Variants in AGO1 observed in about 807,000 individuals in gnomAD.
The protein encoded by AGO1 is protein argonaute-1.
AGO1 carries 11 observed loss-of-function variants against 109.2 expected under a neutral mutation model. The observed-to-expected ratio is 0.10, with a 90% CI of 0.06 to 0.17. The LOEUF is 0.17. Ranked by LOEUF, AGO1 falls within the 10% of genes least tolerant of loss-of-function variation. The pLI, the probability that AGO1 is intolerant of heterozygous loss-of-function variation, is 1.00. For missense variants in AGO1, 574 were observed against 1,140.3 expected (o/e 0.50, Z 7.15); for synonymous variants, 422 against 418.6 (o/e 1.01, Z -0.10).
At chr1:35,898,206 A>G (rs755641911) in intron 8 of AGO1, among the ~76,000 whole-genome samples, 1 of 151,274 alleles carries the variant, frequency 6.6e-6, no homozygotes, top group Non-Finnish European at 1.5e-5. Context: ...ATAAGTTTTT[A>G]TTTCTCTGGA....
Position 35,923,177 on chromosome 1 carries a change from A to C in AGO1, c.*3570A>C, listed in dbSNP as rs1490584781. 1 of 152,234 alleles carries C rather than the reference A, an allele frequency of 6.6e-6. No homozygotes were observed. Among genetic ancestry groups the C allele is most frequent in the Non-Finnish European group, 1.5e-5 (1 of 68,044 alleles). The allele number at this position is 152,234 out of a possible 1,614,324, so 9.4% of individuals were successfully genotyped here. On this transcript the variant is annotated 3_prime_UTR_variant, in exon 19 of 19. Coordinates refer to ENST00000373204, the MANE Select transcript of AGO1 (RefSeq NM_012199.5). ...GAACTTAGGCTTAACATAAAGCCGAAGAAGGTACCTAGAAATTTGAAACTT... is the reference window on the plus strand; with the variant it reads ...GAACTTAGGCTTAACATAAAGCCGACGAAGGTACCTAGAAATTTGAAACTT...
At chr1:35,878,895 GT>G (rs889655370), upstream of AGO1, among the ~76,000 whole-genome samples, 49 of 142,264 alleles carry the variant, frequency 3.4e-4, no homozygotes, top group East Asian at 6.1e-4. Context: ...TTCCTCAGTT[GT>G]TTTTTTTTTT....
chr1:35,871,474 C>T (rs557870009), intron 1 of AGO1, among the ~76,000 whole-genome samples: 5 of 151,400 alleles, frequency 3.3e-5, no homozygotes, highest in African/African-American at 4.9e-5. Flanking sequence ...ACCCAGGAGG[C>T]GGAAGTTGCA....
At chr1:35,909,171 A>G (rs143650520) in intron 12 of AGO1, among the ~76,000 whole-genome samples, 1 of 152,274 alleles carries the variant, frequency 6.6e-6, no homozygotes, top group African/African-American at 2.4e-5. Context: ...TCTAATATCA[A>G]AAAAACCTTC....
chr1:35,907,769 C>T (rs1020652205), intron 12 of AGO1, among the ~76,000 whole-genome samples: 1 of 152,166 alleles, frequency 6.6e-6, no homozygotes, highest in Non-Finnish European at 1.5e-5. Flanking sequence ...GATCCCCCAT[C>T]CTAATGCACA....
At chr1:35,890,639 ATATGAG>A (rs1341025590) in intron 2 of AGO1, among the ~76,000 whole-genome samples, 2 of 152,172 alleles carry the variant, frequency 1.3e-5, no homozygotes, top group African/African-American at 2.4e-5. Context: ...TTTTGCACTC[ATATGAG>A]TATATTTGTA....
At chr1:35,918,966 CA>C in intron 17 of AGO1, 88 bp from the exon 18 acceptor site, 1 of 1,204,582 alleles carries the variant, frequency 8.3e-7, no homozygotes, top group South Asian at 1.3e-5. Context: ...ATTATCTACC[CA>C]GCCATATTCT....
At position 35,877,110 on chromosome 1, in the gene AGO1, G is replaced by C. The variant is rs375732248; in HGVS notation, c.-201+7207G>C. 2.0e-5 allele frequency among the ~76,000 whole-genome samples: 3 copies of C among 152,186 alleles called. No homozygotes were observed. In the East Asian group the frequency reaches 5.8e-4, roughly 29 times the overall value. Reference sequence around the variant, plus strand: ...AGAGAAGATGCAGGAAAATAGGCTTGATCTGGGTCAGTTCGGTTTCAGGCT... The same window carrying C: ...AGAGAAGATGCAGGAAAATAGGCTTCATCTGGGTCAGTTCGGTTTCAGGCT... On this transcript the variant is annotated intron_variant, in intron 1 of 18. Transcript: ENST00000373206.
intron 8 of AGO1, among the ~76,000 whole-genome samples, chr1:35,899,482 A>T (rs888459151): frequency 6.6e-6 from 1 of 152,190 alleles, no homozygotes; most frequent in Non-Finnish European, 1.5e-5. Context: ...TTATATTCCC[A>T]CTGGCGTTGT....
At chr1:35,896,219 G>A (rs1270033687) in intron 8 of AGO1, among the ~76,000 whole-genome samples, 2 of 152,076 alleles carry the variant, frequency 1.3e-5, no homozygotes, top group Admixed American at 1.3e-4. Context: ...GGCTGGTCTC[G>A]AACTCCTGAC....
rs531813062 is a variant in AGO1 at position 35,890,507 on chromosome 1, C to T, written c.209+1897C>T. Among the ~76,000 whole-genome samples the T allele has an allele frequency of 9.8e-5, 15 of 152,292 alleles. No homozygotes were observed. The South Asian group carries it at 2.9e-3, about 29-fold the overall frequency. On this transcript the variant is annotated intron_variant, in intron 2 of 18. Coordinates refer to ENST00000373204, the MANE Select transcript of AGO1 (RefSeq NM_012199.5). ...CATACCGGCACATATGGATCTGCCT[C>T]ATTCTTTTGCATAGGTTGAGTGGCT...
chr1:35,877,419 G>T (rs1182794162), intron 1 of AGO1, among the ~76,000 whole-genome samples: 1 of 151,954 alleles, frequency 6.6e-6, no homozygotes, highest in African/African-American at 2.4e-5. Flanking sequence ...GCTAATTCCT[G>T]CTCATCCTCA....
chr1:35,890,286 G>A (rs1308944111), intron 2 of AGO1, among the ~76,000 whole-genome samples: 1 of 152,112 alleles, frequency 6.6e-6, no homozygotes, highest in Non-Finnish European at 1.5e-5. Context: ...GCCTTCCAAA[G>A]TGCTGGGATT....
chr1:35,873,632 A>G (rs578253950), intron 1 of AGO1: 1 of 157,958 alleles, frequency 6.3e-6, no homozygotes, highest in South Asian at 1.9e-4. Flanking sequence ...AGTCTTCCTG[A>G]TTTTTCAGTC....
chr1:35,881,401 ACCTCCC>A (rs1381765385), upstream of AGO1, among the ~76,000 whole-genome samples: 1 of 151,212 alleles, frequency 6.6e-6, no homozygotes, highest in African/African-American at 2.4e-5. Context: ...GCTCACTGCA[ACCTCCC>A]CCTCCCCGGT....
At chr1:35,883,028 C>T (rs1645053284), upstream of AGO1, among the ~76,000 whole-genome samples, 1 of 152,208 alleles carries the variant, frequency 6.6e-6, no homozygotes, top group South Asian at 2.1e-4. The surrounding 1 kb of genome is among the most constrained non-coding windows in gnomAD (Gnocchi z 5.4). Flanking sequence ...TACCACTGCG[C>T]GGTTCCAAGG....
At chr1:35,897,741 A>T (rs985945198) in intron 8 of AGO1, among the ~76,000 whole-genome samples, 3 of 152,220 alleles carry the variant, frequency 2.0e-5, no homozygotes, top group Non-Finnish European at 4.4e-5. Context: ...AAAAAAATAA[A>T]AAAACAGCTT....
rs1433431214 is a variant in AGO1 at position 35,901,713 on chromosome 1, T to C, written c.1140+120T>C. ...TCTAGATTTGTTGCCTAGGACTGTA[T>C]AAGGCTGCTTTTGCTTCTTGACCGT... On this transcript the variant is annotated intron_variant, in intron 9 of 18. Transcript: ENST00000373204. The surrounding 1 kb of genome is among the most constrained non-coding windows in gnomAD (Gnocchi z 4.8). 1 of 1,487,574 alleles carries C rather than the reference T, an allele frequency of 6.7e-7. No individual in the cohort carries two copies. The highest frequency in any genetic ancestry group is 2.1e-5 in the Admixed American group (1 of 47,594). 92.1% of individuals were successfully genotyped at this position (1,487,574 alleles called of 1,614,324 possible).
In AGO1 at chr1:35,883,990, G is replaced by C. The variant is rs759948948; in HGVS notation, c.25+544G>C. Among the ~76,000 whole-genome samples, 3 of 152,234 alleles carry C rather than the reference G, an allele frequency of 2.0e-5. No homozygotes were observed. The highest frequency in any genetic ancestry group is 4.8e-5 in the African/African-American group (2 of 41,464). On this transcript the variant is annotated intron_variant, in intron 1 of 18. Coordinates refer to ENST00000373204, the MANE Select transcript of AGO1 (RefSeq NM_012199.5). The surrounding 1 kb of genome is among the most constrained non-coding windows in gnomAD (Gnocchi z 5.4). ...GGATTACCCCCCGTGGGTCTGGGGA[G>C]TCGGAGCGGAGGCTCCAGAGCATGC... is the stretch of plus-strand genomic sequence containing the variant.
Sources: gnomAD v4.1 joint callset for allele counts (sites outside exome capture counted in the v4.1 genomes callset) on GRCh38, gnomAD v4.1.1 for gene constraint, Gnocchi (gnomAD v3.1) non-coding constraint, MANE v1.5 for transcripts, NCBI Gene and HGNC (gene_info 2026-07-23, HGNC 2026-07-21) for gene names.